Variants in POMGNT2 observed in about 807,000 individuals in gnomAD.
POMGNT2 encodes protein O-linked mannose N-acetylglucosaminyltransferase 2 (beta 1,4-).
POMGNT2 carries 32 observed loss-of-function variants against 37.8 expected under a neutral mutation model. The ratio of observed to expected loss-of-function variants is 0.85; its 90% confidence interval spans 0.64 to 1.14. The LOEUF (loss-of-function observed/expected upper bound fraction) is 1.14. Among genes scored for constraint, POMGNT2 ranks in the 50% most tolerant of loss-of-function variants. The pLI, the probability that POMGNT2 is intolerant of heterozygous loss-of-function variation, is 0.00. For synonymous variants in POMGNT2, 340 were observed against 336.8 expected, an observed-to-expected ratio of 1.01 and a Z score of -0.10; for missense variants, 705 against 780.6, an observed-to-expected ratio of 0.90 and a Z score of 1.15.
In POMGNT2 at chr3:43,079,617, A is replaced by T; in HGVS notation, c.*72T>A. The T allele has an allele frequency of 7.4e-7, 1 of 1,359,376 alleles. No homozygotes were observed. Among genetic ancestry groups the T allele is most frequent in the Non-Finnish European group, 1.0e-6 (1 of 980,188 alleles). The allele number at this position is 1,359,376 out of a possible 1,614,324, so 84.2% of individuals were successfully genotyped here. On this transcript the variant is annotated 3_prime_UTR_variant, in exon 2 of 2. Coordinates refer to ENST00000344697, the MANE Select transcript of POMGNT2 (RefSeq NM_032806.6). ...ATAAATAGTTCCCAGAAGTCTCCACAGTGGGATTAATGGGCCCAGGGACGC... is the reference window on the plus strand; with the variant it reads ...ATAAATAGTTCCCAGAAGTCTCCACTGTGGGATTAATGGGCCCAGGGACGC...
chr3:43,087,302 G>C (rs978435038), intron 1 of POMGNT2, among the ~76,000 whole-genome samples: 1 of 152,284 alleles, frequency 6.6e-6, no homozygotes, highest in East Asian at 1.9e-4. Context: ...TTTGAAAAAG[G>C]GGTTCTGTGC....
intron 1 of POMGNT2, among the ~76,000 whole-genome samples, chr3:43,088,662 C>T (rs772700515): frequency 6.6e-5 from 10 of 152,274 alleles, no homozygotes; most frequent in Middle Eastern, 3.4e-3. Context: ...AATGAGGTGT[C>T]GCATGCCATG....
rs1204299608 is a variant in POMGNT2 at position 43,080,391 on chromosome 3, G to C, written c.1041C>G (p.Ala347=). Residue 347 remains alanine, a synonymous_variant, in exon 2 of 2, where the codon GCC becomes GCG. Coordinates refer to ENST00000344697, the MANE Select transcript of POMGNT2 (RefSeq NM_032806.6). The stretch of plus-strand genomic sequence containing the variant: ...GCAGGAAGAGGGTGGTGACCAGCTG[G>C]GCCCCATGCATGCTGACCAGCATGG... ...NASMLVSMHG[A]QLVTTLFLPR... is the part of the protein sequence containing the mutation. 6.2e-7 allele frequency: 1 copy of C among 1,613,996 alleles called. No homozygotes were observed. Among genetic ancestry groups the C allele is most frequent in the African/African-American group, 1.3e-5 (1 of 74,906 alleles).
chr3:43,083,874 ACTT>A (rs973831245), intron 1 of POMGNT2, among the ~76,000 whole-genome samples: 3 of 152,146 alleles, frequency 2.0e-5, no homozygotes, highest in South Asian at 4.1e-4. Flanking sequence ...TCTTTGAAGA[ACTT>A]CTGTTAGTTC....
intron 1 of POMGNT2, among the ~76,000 whole-genome samples, chr3:43,082,483 T>C (rs951286296): frequency 2.0e-5 from 3 of 152,190 alleles, no homozygotes; most frequent in Middle Eastern, 6.8e-3. Flanking sequence ...AAAAAACCAA[T>C]AGGGTTTTAA....
intron 1 of POMGNT2, among the ~76,000 whole-genome samples, chr3:43,104,777 C>T (rs1559422662): frequency 2.6e-5 from 4 of 152,212 alleles, no homozygotes; most frequent in Admixed American, 1.3e-4. Context: ...CACACACTTA[C>T]TGTTAGACAT....
chr3:43,081,381 C>T lies in POMGNT2; in HGVS notation c.51G>A (p.Ala17=), dbSNP rs749826105. The change falls in exon 2 of 2, where the codon GCG becomes GCA. Residue 17 remains alanine (A), a synonymous_variant. Transcript: ENST00000344697. ...FNALLVSVLA[A]VLWKHVRLRE... is the part of the protein sequence containing the mutation. ...GCAGCCGCACATGCTTCCACAGGACCGCTGCCAGCACCGACACCAGGAGGG... is the reference window on the plus strand; with the variant it reads ...GCAGCCGCACATGCTTCCACAGGACTGCTGCCAGCACCGACACCAGGAGGG... 31 of 1,604,450 alleles carry T rather than the reference C, an allele frequency of 1.9e-5. No individual in the cohort carries two copies. Among genetic ancestry groups the T allele is most frequent in the Middle Eastern group, 1.7e-4 (1 of 5,920 alleles).
Position 43,081,485 on chromosome 3 carries a change from G to C in POMGNT2, c.-54C>G, listed in dbSNP as rs1197235494. 6 of 1,410,372 alleles carry C rather than the reference G, an allele frequency of 4.3e-6. No homozygotes were observed. Among genetic ancestry groups the C allele is most frequent in the Non-Finnish European group, 4.7e-6 (5 of 1,058,664 alleles). The allele number at this position is 1,410,372 out of a possible 1,614,324, so 87.4% of individuals were successfully genotyped here. ...ATGACGGCCACTGGGAAGCACCACA[G>C]GCCAGGCAGGCTTCACCCATCCCTA... On this transcript the variant is annotated 5_prime_UTR_variant, in exon 2 of 2. Transcript: ENST00000344697.
Position 43,081,550 on chromosome 3 carries a change from G to A in POMGNT2, c.-105-14C>T. 1.1e-6 allele frequency: 1 copy of A among 885,888 alleles called. No homozygotes were observed. The highest frequency in any genetic ancestry group is 1.8e-5 in the South Asian group (1 of 55,376). The allele number at this position is 885,888 out of a possible 1,614,324, so 54.9% of individuals were successfully genotyped here. A position where few individuals can be genotyped will look rare whatever the true frequency, so the allele number is the denominator to read the frequency against. On this transcript the variant is annotated splice_polypyrimidine_tract_variant and intron_variant, in intron 1 of 1. Transcript: ENST00000344697. ...ACTGGTGAAAGCCTGCAGGAGGAGAGAAGGAAAAGAAAAAGGAATTGGCAG... is the reference window on the plus strand; with the variant it reads ...ACTGGTGAAAGCCTGCAGGAGGAGAAAAGGAAAAGAAAAAGGAATTGGCAG...
chr3:43,084,345 A>T (rs1296028384), intron 1 of POMGNT2, among the ~76,000 whole-genome samples: 1 of 146,902 alleles, frequency 6.8e-6, no homozygotes, highest in African/African-American at 2.5e-5. Context: ...ATGCTAGATT[A>T]AAAAAAAAAA....
intron 1 of POMGNT2, among the ~76,000 whole-genome samples, chr3:43,105,184 G>C (rs1465273853): frequency 2.0e-5 from 3 of 152,198 alleles, no homozygotes; most frequent in Non-Finnish European, 2.9e-5. Context: ...CTTTAGCAGA[G>C]AGTTCCCATC....
At chr3:43,085,923 C>T (rs1272387124) in intron 1 of POMGNT2, among the ~76,000 whole-genome samples, 1 of 152,236 alleles carries the variant, frequency 6.6e-6, no homozygotes, top group Admixed American at 6.5e-5. Flanking sequence ...AGAAGAAAAC[C>T]CAGAGAACTC....
At position 43,080,295 on chromosome 3, in the gene POMGNT2, C is replaced by T. The variant is rs377724350; in HGVS notation, c.1137G>A (p.Thr379=). The change falls in exon 2 of 2, where the codon ACG becomes ACA. Residue 379 remains threonine (T), a synonymous_variant. Transcript: ENST00000344697. ...GGTCCATGCCAGGCAGCATGGCCAG[C>T]GTCTTATAGGGAGTGTAGTGGTCGG... ...VNPDHYTPYK[T]LAMLPGMDLQ... is the part of the protein sequence containing the mutation. The T allele has an allele frequency of 6.0e-5, 97 of 1,614,178 alleles. No individual in the cohort carries two copies. The highest frequency in any genetic ancestry group is 3.6e-4 in the East Asian group (16 of 44,876).
Position 43,079,350 on chromosome 3 carries a change from C to G in POMGNT2, c.*339G>C. 3.5e-6 allele frequency: 1 copy of G among 283,572 alleles called. No homozygotes were observed. The highest frequency in any genetic ancestry group is 6.6e-6 in the Non-Finnish European group (1 of 152,030). 17.6% of individuals were successfully genotyped at this position (283,572 alleles called of 1,614,324 possible). On this transcript the variant is annotated 3_prime_UTR_variant, in exon 2 of 2. Coordinates refer to ENST00000344697, the MANE Select transcript of POMGNT2 (RefSeq NM_032806.6). ...CAAACAGTACATGATTACTCGGTTT[C>G]CAGAAATCTGGATACCAGAAAAACT...
At chr3:43,089,554 G>C (rs753442640) in intron 1 of POMGNT2, among the ~76,000 whole-genome samples, 8 of 152,164 alleles carry the variant, frequency 5.3e-5, no homozygotes, top group Admixed American at 2.0e-4. Context: ...TGGGAGAACA[G>C]AGGTAGAAAA....
chr3:43,084,660 A>C (rs1193687159), intron 1 of POMGNT2, among the ~76,000 whole-genome samples: 2 of 152,082 alleles, frequency 1.3e-5, no homozygotes, highest in East Asian at 3.9e-4. Flanking sequence ...AAAAAAAAAA[A>C]AAAAATTGTA....
intron 1 of POMGNT2, among the ~76,000 whole-genome samples, chr3:43,083,890 T>C (rs1285543136): frequency 6.6e-6 from 1 of 152,254 alleles, no homozygotes; most frequent in Non-Finnish European, 1.5e-5. Context: ...GTTAGTTCAC[T>C]ATTCTTTTAA....
At chr3:43,101,339 T>C (rs1268780042) in intron 1 of POMGNT2, among the ~76,000 whole-genome samples, 1 of 152,180 alleles carries the variant, frequency 6.6e-6, no homozygotes, top group Non-Finnish European at 1.5e-5. Flanking sequence ...TGTTTGAGCA[T>C]GGAGGAATCA....
chr3:43,092,704 G>C (rs1384084879), intron 1 of POMGNT2, among the ~76,000 whole-genome samples: 2 of 152,224 alleles, frequency 1.3e-5, no homozygotes, highest in African/African-American at 2.4e-5. Flanking sequence ...CCGACAGGGG[G>C]ATACTGATCA....
Sources: gnomAD v4.1 joint callset for allele counts (sites outside exome capture counted in the v4.1 genomes callset) on GRCh38, gnomAD v4.1.1 for gene constraint, MANE v1.5 for transcripts, NCBI Gene and HGNC (gene_info 2026-07-23, HGNC 2026-07-21) for gene names.